The following HELZ variants were observed in gnomAD, a reference collection of about 807,000 sequenced individuals.
HELZ encodes ATP-dependent RNA helicase with zinc finger domain.
A neutral mutation model predicts 218.2 loss-of-function variants in HELZ; 23 were observed. The observed-to-expected ratio is 0.11, with a 90% CI of 0.08 to 0.15. HELZ has a LOEUF of 0.15. Ranked by LOEUF, HELZ falls within the 10% of genes least tolerant of loss-of-function variation. HELZ has a pLI of 1.00. For synonymous variants in HELZ, 814 were observed against 829.4 expected (o/e 0.98, Z 0.32); for missense variants, 1,813 against 2,353.7 (o/e 0.77, Z 4.75).
chr17:67,216,838 C>T (rs994176732), intron 4 of HELZ, among the ~76,000 whole-genome samples: 1 of 152,128 alleles, frequency 6.6e-6, no homozygotes, highest in Non-Finnish European at 1.5e-5. Flanking sequence ...TTCCTTCACG[C>T]GGCTACCAGG....
At chr17:67,147,414 T>C (rs1598319301) in intron 20 of HELZ, among the ~76,000 whole-genome samples, 1 of 152,336 alleles carries the variant, frequency 6.6e-6, no homozygotes, top group African/African-American at 2.4e-5. Flanking sequence ...AGAATCTCTC[T>C]GGCCTTCTCC....
chr17:67,179,954 T>C (rs1007339080), intron 12 of HELZ, among the ~76,000 whole-genome samples: 4 of 152,190 alleles, frequency 2.6e-5, no homozygotes, highest in African/African-American at 9.7e-5. Context: ...TAGTGAGAGA[T>C]TTGGCAACAT....
At chr17:67,245,233 T>TCCCCCCGGCCCCCGACTCCCG, upstream of HELZ, 1 of 983,650 alleles carries the variant, frequency 1.0e-6, no homozygotes, top group Non-Finnish European at 1.2e-6. Context: ...TTAAAGTGAC[T>TCCCCCCGGCCCCCGACTCCCG]CCCCCCGGCC....
At chr17:67,089,138 G>A (rs1406673757) in intron 31 of HELZ, among the ~76,000 whole-genome samples, 2 of 152,144 alleles carry the variant, frequency 1.3e-5, no homozygotes, top group Non-Finnish European at 2.9e-5. Flanking sequence ...CAAAACTAAC[G>A]TTGGGTATGG....
At chr17:67,227,553 A>G (rs1336385770) in intron 3 of HELZ, among the ~76,000 whole-genome samples, 1 of 152,166 alleles carries the variant, frequency 6.6e-6, no homozygotes, top group Non-Finnish European at 1.5e-5. Flanking sequence ...ATAAACAGAA[A>G]ACCCATGCAC....
chr17:67,108,498 T>A lies in HELZ; in HGVS notation c.4718A>T (p.Tyr1573Phe). 3.7e-6 allele frequency: 6 copies of A among 1,612,644 alleles called. No individual in the cohort carries two copies. In the South Asian group the frequency reaches 6.6e-5, roughly 18 times the overall value. The part of the protein sequence containing the change: ...SSAEDEVETT[Y>F]SRFQDLIREL... The stretch of plus-strand genomic sequence containing the variant: ...TTTCAGTCCGCTGGAATACCTTGAG[T>A]ATGTGGTCTCCACTTCATCTTCGGC... Residue 1573 changes from tyrosine to phenylalanine, a missense_variant, in exon 30 of 33, where the codon TAC (tyrosine) becomes TTC (phenylalanine). Transcript: ENST00000358691. This position sits in a 1 kb window ranked among gnomAD's most constrained non-coding sequence, Gnocchi z 4.1.
At chr17:67,123,708 G>A (rs72838409) in intron 25 of HELZ, among the ~76,000 whole-genome samples, 1,596 of 151,962 alleles carry the variant, frequency 0.011, 12 homozygotes, top group Non-Finnish European at 0.018. Flanking sequence ...AAAACCTCTG[G>A]ATATGTACAT....
intron 22 of HELZ, among the ~76,000 whole-genome samples, chr17:67,137,287 T>G (rs2038184105): frequency 1.3e-5 from 2 of 152,232 alleles, no homozygotes; most frequent in African/African-American, 4.8e-5. Context: ...TTCACTACCC[T>G]AAGTCTCCTC....
intron 15 of HELZ, 71 bp downstream of exon 15, chr17:67,166,407 G>T (rs74459343): frequency 7.7e-7 from 1 of 1,305,208 alleles, no homozygotes; most frequent in Non-Finnish European, 1.1e-6. Flanking sequence ...AAGTATGCTT[G>T]AGTTATTTGA....
At chr17:67,120,092 C>T (rs189035382) in intron 27 of HELZ, 70 of 366,438 alleles carry the variant, frequency 1.9e-4, no homozygotes, top group Admixed American at 1.9e-3. Flanking sequence ...CAAACTCCGC[C>T]TCCCAGGTTC....
intron 5 of HELZ, among the ~76,000 whole-genome samples, chr17:67,208,751 T>C (rs1451373580): frequency 2.7e-5 from 4 of 150,610 alleles, no homozygotes; most frequent in Admixed American, 6.6e-5. Flanking sequence ...ACACCATTTC[T>C]ACAAAACAGA....
In HELZ at chr17:67,070,483, T is replaced by C. The variant is rs1181384489; in HGVS notation, c.*7769A>G. ...TTTTATTATAAATACATTTTAGTTGTAGCAGTAAAATACATTTTGTTACCA... is the reference window on the plus strand; with the variant it reads ...TTTTATTATAAATACATTTTAGTTGCAGCAGTAAAATACATTTTGTTACCA... On this transcript the variant is annotated 3_prime_UTR_variant, in exon 33 of 33. Transcript: ENST00000358691. 1 of 152,212 alleles carries C rather than the reference T, an allele frequency of 6.6e-6. No homozygotes were observed. The highest frequency in any genetic ancestry group is 2.1e-4 in the South Asian group (1 of 4,836). The allele number at this position is 152,212 out of a possible 1,614,324, so 9.4% of individuals were successfully genotyped here.
intron 3 of HELZ, among the ~76,000 whole-genome samples, chr17:67,234,864 C>T (rs769435185): frequency 4.3e-4 from 66 of 152,174 alleles, no homozygotes; most frequent in Non-Finnish European, 8.4e-4. Flanking sequence ...GCCCTCTTCC[C>T]TTTGCTTCTC....
chr17:67,089,694 G>GAGAGAGAGAGAGAGACAC (rs776184027), intron 31 of HELZ, among the ~76,000 whole-genome samples: 2 of 100,694 alleles, frequency 2.0e-5, no homozygotes, highest in Non-Finnish European at 3.8e-5. Flanking sequence ...GAGAGAGAGA[G>GAGAGAGAGAGAGAGACAC]AGAGAGACAG....
intron 31 of HELZ, among the ~76,000 whole-genome samples, chr17:67,090,115 G>A (rs1056465383): frequency 2.0e-5 from 3 of 152,076 alleles, no homozygotes; most frequent in African/African-American, 4.8e-5. Flanking sequence ...GTTTCATCCT[G>A]AGTGGACCAT....
chr17:67,173,094 A>C (rs1169344888), intron 13 of HELZ: 1 of 932,606 alleles, frequency 1.1e-6, no homozygotes, highest in Non-Finnish European at 1.3e-6. Context: ...CTAAGAAATA[A>C]AATAAAATAA....
At chr17:67,230,572 G>A (rs1324076477) in intron 3 of HELZ, among the ~76,000 whole-genome samples, 1 of 144,964 alleles carries the variant, frequency 6.9e-6, no homozygotes, top group Non-Finnish European at 1.5e-5. Context: ...ACTCCAGCCT[G>A]GTGGCAGAGT....
intron 15 of HELZ, 58 bp from the exon 16 acceptor site, chr17:67,161,134 A>G (rs2038983782): frequency 1.6e-6 from 2 of 1,282,856 alleles, no homozygotes; most frequent in Admixed American, 2.2e-5. Flanking sequence ...ATAGAACATA[A>G]CACACGAGTA....
chr17:67,187,239 A>G (rs1450101279), intron 12 of HELZ, among the ~76,000 whole-genome samples: 1 of 152,202 alleles, frequency 6.6e-6, no homozygotes, highest in Non-Finnish European at 1.5e-5. Flanking sequence ...AAAGATGACA[A>G]AAATACATAC....
Sources: gnomAD v4.1 joint callset for allele counts (sites outside exome capture counted in the v4.1 genomes callset) on GRCh38, gnomAD v4.1.1 for gene constraint, Gnocchi (gnomAD v3.1) non-coding constraint, MANE v1.5 for transcripts, NCBI Gene and HGNC (gene_info 2026-07-23, HGNC 2026-07-21) for gene names.